Variants in PLPP1 observed in about 807,000 individuals in gnomAD.
The protein encoded by PLPP1 is phospholipid phosphatase 1.
PLPP1 carries 24 observed loss-of-function variants against 31.2 expected under a neutral mutation model. The observed-to-expected ratio is 0.77, with a 90% CI of 0.56 to 1.08. PLPP1 has a LOEUF of 1.08. Ranked by LOEUF, PLPP1 falls within the 50% of genes least tolerant of loss-of-function variation. The pLI, the probability that PLPP1 is intolerant of heterozygous loss-of-function variation, is 0.00. For synonymous variants in PLPP1, 146 were observed against 126.3 expected, an observed-to-expected ratio of 1.16 and a Z score of -1.05; for missense variants, 319 against 342.7, an observed-to-expected ratio of 0.93 and a Z score of 0.55.
chr5:55,484,364 A>G (rs1051402169), intron 1 of PLPP1: 5 of 152,128 alleles, frequency 3.3e-5, no homozygotes, highest in African/African-American at 1.2e-4. Flanking sequence ...CACTAGGTGC[A>G]ATAGTCTTGA....
intron 4 of PLPP1, among the ~76,000 whole-genome samples, chr5:55,437,615 G>A (rs932948129): frequency 2.6e-5 from 4 of 151,944 alleles, no homozygotes; most frequent in African/African-American, 9.7e-5. Context: ...TTTTGAAATA[G>A]TGCTTTTATG....
intron 1 of PLPP1, among the ~76,000 whole-genome samples, chr5:55,484,182 T>C (rs973344621): frequency 6.6e-6 from 1 of 152,148 alleles, no homozygotes; most frequent in Admixed American, 6.5e-5. Flanking sequence ...ATCCTTGATA[T>C]ATGATTAAAT....
chr5:55,530,838 G>A (rs1287838586), intron 1 of PLPP1: 6 of 1,236,092 alleles, frequency 4.9e-6, no homozygotes, highest in Admixed American at 3.6e-5. Flanking sequence ...GACAGACGGG[G>A]CAGTAGGATG....
chr5:55,476,210 T>A (rs1390245530), intron 1 of PLPP1, among the ~76,000 whole-genome samples: 6 of 151,774 alleles, frequency 4.0e-5, no homozygotes, highest in Admixed American at 6.6e-5. Context: ...AGAGACGAGG[T>A]CTAGCTATGT....
At chr5:55,485,122 T>C (rs1022997444) in intron 1 of PLPP1, 3 of 152,174 alleles carry the variant, frequency 2.0e-5, no homozygotes, top group African/African-American at 7.2e-5. Context: ...TTTAGCCTAT[T>C]ACTGAACCTG....
intron 4 of PLPP1, among the ~76,000 whole-genome samples, chr5:55,428,914 C>T (rs1184880622): frequency 6.6e-6 from 1 of 152,116 alleles, no homozygotes; most frequent in Non-Finnish European, 1.5e-5. Flanking sequence ...CAGACAGGCT[C>T]GGCAGCAACA....
intron 1 of PLPP1, among the ~76,000 whole-genome samples, chr5:55,533,790 T>C (rs1740770894): frequency 6.6e-6 from 1 of 152,184 alleles, no homozygotes; most frequent in Admixed American, 6.5e-5. Flanking sequence ...GCCCATCCCT[T>C]ATCCAAATGA....
intron 2 of PLPP1, among the ~76,000 whole-genome samples, chr5:55,468,857 G>A (rs901534991): frequency 2.0e-5 from 3 of 152,054 alleles, no homozygotes; most frequent in African/African-American, 7.2e-5. Context: ...AGAAACTCCT[G>A]TGTATAAGTA....
chr5:55,520,327 A>G (rs531637816), intron 1 of PLPP1, among the ~76,000 whole-genome samples: 11 of 152,256 alleles, frequency 7.2e-5, no homozygotes, highest in South Asian at 2.1e-4. Flanking sequence ...TCTGACTTCA[A>G]TGCTGTTTAA....
chr5:55,430,769 T>A (rs992868463), intron 4 of PLPP1, among the ~76,000 whole-genome samples: 1 of 151,848 alleles, frequency 6.6e-6, no homozygotes, highest in Admixed American at 6.6e-5. Context: ...AGAAAAAGAA[T>A]TCAAAATAAT....
chr5:55,457,378 T>C (rs1752040190), intron 3 of PLPP1, among the ~76,000 whole-genome samples: 1 of 152,080 alleles, frequency 6.6e-6, no homozygotes, highest in Non-Finnish European at 1.5e-5. Context: ...AAAGTAACAG[T>C]ATATGGCAGC....
chr5:55,530,539 G>A, intron 1 of PLPP1: 1 of 1,222,730 alleles, frequency 8.2e-7, no homozygotes, highest in Non-Finnish European at 1.2e-6. Context: ...TGAAAGTTTG[G>A]AATGATAGAA....
At chr5:55,481,947 G>A (rs879402620) in intron 1 of PLPP1, among the ~76,000 whole-genome samples, 12 of 150,642 alleles carry the variant, frequency 8.0e-5, no homozygotes, top group African/African-American at 1.7e-4. Context: ...TCTAATAGAC[G>A]TTTCCTCCAT....
rs780917688 is a variant in PLPP1, at chr5:55,426,030, G to C, written c.559C>G (p.Gln187Glu). The part of the protein sequence containing the change: ...YCMLFVALYL[Q>E]ARMKGDWARL... ...GCCCAGTCTCCCTTCATCCTGGCTT[G>C]AAGATAAAGCTAAAAGAAAAGAATA... The change falls in exon 5 of 6, where the codon CAA becomes GAA. Residue 187 changes from glutamine (Q) to glutamate (E), a missense_variant. By Grantham distance (29) the Gln-to-Glu change is conservative. Transcript: ENST00000307259. 6.6e-5 allele frequency: 104 copies of C among 1,587,522 alleles called. No homozygotes were observed. Among genetic ancestry groups the C allele is most frequent in the Non-Finnish European group, 8.9e-5 (104 of 1,172,566 alleles).
intron 1 of PLPP1, among the ~76,000 whole-genome samples, chr5:55,516,976 T>C (rs2111925788): frequency 6.6e-6 from 1 of 152,332 alleles, no homozygotes; most frequent in East Asian, 1.9e-4. Context: ...AGTATTAATA[T>C]GTCTTTATCT....
At chr5:55,440,083 T>C (rs983667932) in intron 4 of PLPP1, among the ~76,000 whole-genome samples, 7 of 152,294 alleles carry the variant, frequency 4.6e-5, no homozygotes, top group African/African-American at 1.4e-4. Context: ...CATCTTTTCA[T>C]GGAAATTTAG....
At position 55,426,011 on chromosome 5, in the gene PLPP1, T is replaced by A. The variant is rs1220562182; in HGVS notation, c.578A>T (p.Asp193Val). Reference protein sequence around the residue: ...ALYLQARMKGDWARLLRPTLQ... With the variant: ...ALYLQARMKGVWARLLRPTLQ... ...TGTGGGGCGTAAGAGTCTTGCCCAG[T>A]CTCCCTTCATCCTGGCTTGAAGATA... The change falls in exon 5 of 6, where the codon GAC (aspartate) becomes GTC (valine). Residue 193 changes from aspartate to valine, a missense_variant. By Grantham distance (152) the Asp-to-Val change is radical. Transcript: ENST00000307259. The A allele has an allele frequency of 1.2e-6, 2 of 1,606,820 alleles. No individual in the cohort carries two copies. Among genetic ancestry groups the A allele is most frequent in the Non-Finnish European group, 1.7e-6 (2 of 1,177,968 alleles).
chr5:55,429,624 T>C (rs527765674), intron 4 of PLPP1, among the ~76,000 whole-genome samples: 47 of 152,186 alleles, frequency 3.1e-4, no homozygotes, highest in African/African-American at 1.1e-3. Flanking sequence ...CCTAAGCAGC[T>C]ACAGCAGGGC....
chr5:55,430,557 G>A (rs764849496), intron 4 of PLPP1, among the ~76,000 whole-genome samples: 8 of 152,142 alleles, frequency 5.3e-5, no homozygotes, highest in Admixed American at 1.3e-4. Flanking sequence ...TGATCTACCC[G>A]ACCAACACCA....
Sources: allele counts gnomAD v4.1 joint callset (sites outside exome capture counted in the v4.1 genomes callset), GRCh38; gene constraint gnomAD v4.1.1; transcripts MANE v1.5; gene names NCBI Gene and HGNC (gene_info 2026-07-23, HGNC 2026-07-21).